MAD1L1: variants seen among roughly 807,000 people sequenced by gnomAD.
MAD1L1 encodes mitotic arrest deficient 1 like 1, also known as mitotic spindle assembly checkpoint protein MAD1.
Under a neutral mutation model 96.9 loss-of-function variants are expected in MAD1L1, and 95 were observed. That is an observed-to-expected ratio of 0.98 (90% CI 0.83 to 1.16). The LOEUF is 1.16. Ranked by LOEUF, MAD1L1 falls within the 50% of genes most tolerant of loss-of-function variation. MAD1L1 has a pLI of 0.00. For synonymous variants in MAD1L1, 473 were observed against 396.6 expected (o/e 1.19, Z -2.29); for missense variants, 1,007 against 954.4 (o/e 1.06, Z -0.73).
chr7:1,887,190 G>A (rs1786091966), intron 18 of MAD1L1, among the ~76,000 whole-genome samples: 1 of 152,248 alleles, frequency 6.6e-6, no homozygotes, highest in African/African-American at 2.4e-5. Context: ...GGGACGCCTG[G>A]GAGAGACAGA....
intron 15 of MAD1L1, among the ~76,000 whole-genome samples, chr7:1,977,342 G>A (rs949132070): frequency 4.6e-5 from 7 of 152,374 alleles, no homozygotes; most frequent in East Asian, 3.9e-4. Flanking sequence ...TGCACCCTCC[G>A]CAGCTGCTGG....
intron 12 of MAD1L1, among the ~76,000 whole-genome samples, chr7:2,035,328 C>G (rs570735266): frequency 3.0e-5 from 4 of 131,540 alleles, no homozygotes; most frequent in Admixed American, 7.3e-5. Flanking sequence ...ACTGACAAGT[C>G]GGGACAGAGC....
At chr7:2,138,147 G>A (rs1272953551) in intron 11 of MAD1L1, among the ~76,000 whole-genome samples, 1 of 152,252 alleles carries the variant, frequency 6.6e-6, no homozygotes, top group Non-Finnish European at 1.5e-5. Context: ...ACCTGAGACT[G>A]CTGTTACAAA....
At chr7:1,957,783 T>A in intron 15 of MAD1L1, 64 bp from the exon 16 acceptor site, 2 of 1,487,556 alleles carry the variant, frequency 1.3e-6, no homozygotes, top group Non-Finnish European at 9.4e-7. Context: ...AGTCCCACCC[T>A]CTGGGTGATA....
intron 16 of MAD1L1, among the ~76,000 whole-genome samples, chr7:1,955,072 C>CG (rs1327851480): frequency 6.6e-6 from 1 of 152,220 alleles, no homozygotes; most frequent in Non-Finnish European, 1.5e-5. Flanking sequence ...CAGCGGCACT[C>CG]GCGCCCAGCT....
intron 11 of MAD1L1, among the ~76,000 whole-genome samples, chr7:2,104,562 T>C (rs1416494404): frequency 6.6e-6 from 1 of 152,250 alleles, no homozygotes; most frequent in Non-Finnish European, 1.5e-5. Flanking sequence ...TGCCAGCAAC[T>C]ACAGATCTTC....
At chr7:2,205,047 C>T (rs988745968) in intron 10 of MAD1L1, among the ~76,000 whole-genome samples, 19 of 147,502 alleles carry the variant, frequency 1.3e-4, no homozygotes, top group African/African-American at 4.7e-4. Context: ...ATCTACATTA[C>T]TGACTCCACC....
At chr7:1,868,477 A>AC (rs1554277847) in intron 18 of MAD1L1, among the ~76,000 whole-genome samples, 7 of 115,926 alleles carry the variant, frequency 6.0e-5, no homozygotes, top group Admixed American at 8.4e-5. Context: ...GAGGCCTCCC[A>AC]CCCACCCCAC....
chr7:1,936,652 G>A (rs375812828), intron 17 of MAD1L1, 35 bp downstream of exon 17: 547 of 1,537,750 alleles, frequency 3.6e-4, no homozygotes, highest in Non-Finnish European at 4.4e-4. Context: ...ACGGAAGGTC[G>A]AGGATGGCAG....
Position 2,219,292 on chromosome 7 carries a change from C to G in MAD1L1, c.596+40G>C, listed in dbSNP as rs76410793. The G allele has an allele frequency of 2.6e-6, 4 of 1,528,882 alleles. No individual in the cohort carries two copies. The South Asian group carries it at 3.6e-5, about 14-fold the overall frequency. 94.7% of individuals were successfully genotyped at this position (1,528,882 alleles called of 1,614,324 possible). ...GAGAGGTGGGACGCATGCCCCCACA[C>G]GTGACCCGACCCCCGACCCCACACC... On this transcript the variant is annotated intron_variant, in intron 6 of 18. Coordinates refer to ENST00000265854, the MANE Select transcript of MAD1L1 (RefSeq NM_001013836.2).
chr7:2,045,278 C>T (rs1283696272), intron 12 of MAD1L1, among the ~76,000 whole-genome samples: 1 of 151,992 alleles, frequency 6.6e-6, no homozygotes, highest in Non-Finnish European at 1.5e-5. Context: ...TGAGAGTCCT[C>T]GTATCCCTGT....
intron 18 of MAD1L1, among the ~76,000 whole-genome samples, chr7:1,886,269 G>A (rs564267246): frequency 1.3e-5 from 2 of 152,374 alleles, no homozygotes; most frequent in African/African-American, 4.8e-5. Context: ...CCTGATCTGT[G>A]CAAGATCAGT....
chr7:2,125,838 C>T (rs970672588), intron 11 of MAD1L1, among the ~76,000 whole-genome samples: 1 of 152,256 alleles, frequency 6.6e-6, no homozygotes, highest in African/African-American at 2.4e-5. Flanking sequence ...ATTTGTCCCG[C>T]TTTAAAATCA....
chr7:2,096,384 T>C (rs950276129), intron 11 of MAD1L1, among the ~76,000 whole-genome samples: 2 of 152,200 alleles, frequency 1.3e-5, no homozygotes, highest in African/African-American at 4.8e-5. Flanking sequence ...GCCTGCAATC[T>C]GGCTCTGGGC....
intron 11 of MAD1L1, among the ~76,000 whole-genome samples, chr7:2,075,843 C>T (rs1244809930): frequency 6.6e-6 from 1 of 152,234 alleles, no homozygotes; most frequent in Non-Finnish European, 1.5e-5. Flanking sequence ...ATTCCTCCCA[C>T]ACACTCTTTG....
chr7:1,963,849 A>G (rs1200234787), intron 15 of MAD1L1, among the ~76,000 whole-genome samples: 3 of 152,192 alleles, frequency 2.0e-5, no homozygotes, highest in Non-Finnish European at 4.4e-5. Context: ...GGCAGGGGAG[A>G]CATCTGAGCA....
At chr7:2,134,689 G>A (rs1221633841) in intron 11 of MAD1L1, among the ~76,000 whole-genome samples, 2 of 152,222 alleles carry the variant, frequency 1.3e-5, no homozygotes, top group African/African-American at 4.8e-5. Flanking sequence ...GCCCAATTGT[G>A]TCCAGCAGCT....
At chr7:1,933,367 T>C (rs1187305340) in intron 17 of MAD1L1, among the ~76,000 whole-genome samples, 4 of 152,134 alleles carry the variant, frequency 2.6e-5, no homozygotes, top group Non-Finnish European at 5.9e-5. Context: ...CTTTCCACCA[T>C]AGCCTACAGG....
At chr7:2,207,967 C>A (rs973856688) in intron 10 of MAD1L1, among the ~76,000 whole-genome samples, 6 of 152,154 alleles carry the variant, frequency 3.9e-5, no homozygotes, top group Middle Eastern at 3.2e-3. Context: ...CAGCTGGTGA[C>A]CCCTGGAGAA....
Sources: allele counts gnomAD v4.1 joint callset (sites outside exome capture counted in the v4.1 genomes callset), GRCh38; gene constraint gnomAD v4.1.1; transcripts MANE v1.5; gene names NCBI Gene and HGNC (gene_info 2026-07-23, HGNC 2026-07-21).